The following NIPAL4 variants were observed in gnomAD, a reference collection of about 807,000 sequenced individuals.
The protein encoded by NIPAL4 is magnesium transporter NIPA4.
A neutral mutation model predicts 31.6 loss-of-function variants in NIPAL4; 21 were observed. The observed-to-expected ratio is 0.67, with a 90% CI of 0.47 to 0.96. The LOEUF (loss-of-function observed/expected upper bound fraction) is 0.96. NIPAL4 is among the 40% of genes least tolerant of loss of function. The pLI is 0.00. For synonymous variants in NIPAL4, 175 were observed against 211.1 expected, an observed-to-expected ratio of 0.83 and a Z score of 1.48; for missense variants, 438 against 508.0, an observed-to-expected ratio of 0.86 and a Z score of 1.32.
At chr5:157,472,307 G>A (rs367738343) in intron 5 of NIPAL4, 25 bp from the exon 6 acceptor site, 32 of 1,579,008 alleles carry the variant, frequency 2.0e-5, no homozygotes, top group Non-Finnish European at 2.6e-5. Flanking sequence ...ACAGCCAAGT[G>A]ATCCTTCTCT....
In NIPAL4 at chr5:157,473,734, A is replaced by T. The variant is rs1377638174; in HGVS notation, c.*774A>T. The T allele has an allele frequency of 6.6e-6, 1 of 152,258 alleles. No individual in the cohort carries two copies. 9.4% of individuals were successfully genotyped at this position (152,258 alleles called of 1,614,324 possible). On this transcript the variant is annotated 3_prime_UTR_variant, in exon 6 of 6. Coordinates refer to ENST00000311946, the MANE Select transcript of NIPAL4 (RefSeq NM_001099287.2). ...GCAGTAATCGCAGAACTGGAAACAA[A>T]ACAATAATAGAGCCACAGCCAAACT... is the stretch of plus-strand genomic sequence containing the variant.
chr5:157,471,486 A>G (rs534656464), intron 4 of NIPAL4, among the ~76,000 whole-genome samples, 171 bp from the exon 5 acceptor site: 13 of 152,308 alleles, frequency 8.5e-5, no homozygotes, highest in Non-Finnish European at 1.3e-4. Flanking sequence ...TAGGGAGGTC[A>G]CATGATTTGC....
chr5:157,460,380 C>A, intron 1 of NIPAL4, 23 bp downstream of exon 1: 2 of 1,533,602 alleles, frequency 1.3e-6, no homozygotes, highest in Non-Finnish European at 1.8e-6. Flanking sequence ...GGGCTGGGGA[C>A]CAGGCGGGCT....
chr5:157,469,227 G>A (rs984907988), intron 4 of NIPAL4, among the ~76,000 whole-genome samples: 2 of 151,954 alleles, frequency 1.3e-5, no homozygotes, highest in South Asian at 2.1e-4. Flanking sequence ...TTAGTCACTC[G>A]AAGCCTCATT....
At chr5:157,462,326 A>G (rs1320557559) in intron 1 of NIPAL4, among the ~76,000 whole-genome samples, 1 of 152,070 alleles carries the variant, frequency 6.6e-6, no homozygotes, top group African/African-American at 2.4e-5. Context: ...TTTCATGGAA[A>G]ATCTCCCAAT....
intron 3 of NIPAL4, among the ~76,000 whole-genome samples, chr5:157,468,259 G>A (rs1224828044): frequency 6.6e-6 from 1 of 152,092 alleles, no homozygotes; most frequent in Non-Finnish European, 1.5e-5. Context: ...AGTCCAGACT[G>A]TTGAAAATTC....
At position 157,474,252 on chromosome 5, in the gene NIPAL4, G is replaced by C. The variant is rs1191371403; in HGVS notation, c.*1292G>C. 1 of 152,210 alleles carries C rather than the reference G, an allele frequency of 6.6e-6. No individual in the cohort carries two copies. The highest frequency in any genetic ancestry group is 1.5e-5 in the Non-Finnish European group (1 of 68,048). 9.4% of individuals were successfully genotyped at this position (152,210 alleles called of 1,614,324 possible). ...GAGTACCTTTGGTCCCCTCACATTT[G>C]GCCAGAGGCATACAAAAAACCAGAG... On this transcript the variant is annotated 3_prime_UTR_variant, in exon 6 of 6. Transcript: ENST00000311946.
chr5:157,469,950 G>A (rs1249861251), intron 4 of NIPAL4, among the ~76,000 whole-genome samples: 2 of 152,190 alleles, frequency 1.3e-5, no homozygotes, highest in East Asian at 3.8e-4. Context: ...CTACCCGGGG[G>A]AAGTTGGGAG....
Position 157,472,413 on chromosome 5 carries a change from A to G in NIPAL4, c.668A>G (p.Asn223Ser). 6.2e-7 allele frequency: 1 copy of G among 1,613,660 alleles called. No individual in the cohort carries two copies. The highest frequency in any genetic ancestry group is 8.5e-7 in the Non-Finnish European group (1 of 1,179,834). ...FVIAPRYGQR[N>S]ILIYIIICSV... The stretch of plus-strand genomic sequence containing the variant: ...ATTGCCCCACGTTACGGGCAAAGGA[A>G]TATCCTCATCTACATCATCATCTGC... The change falls in exon 6 of 6, where the codon AAT becomes AGT. Residue 223 changes from asparagine to serine, a missense_variant. Coordinates refer to ENST00000311946, the MANE Select transcript of NIPAL4 (RefSeq NM_001099287.2).
At position 157,473,020 on chromosome 5, in the gene NIPAL4, A is replaced by C. The variant is rs1158747660; in HGVS notation, c.*60A>C. On this transcript the variant is annotated 3_prime_UTR_variant, in exon 6 of 6. Coordinates refer to ENST00000311946, the MANE Select transcript of NIPAL4 (RefSeq NM_001099287.2). Reference sequence around the variant, plus strand: ...TGGTACAGCCTGCCCTCCCAATTTCAAAACCACCTGGTTATTTTCCAGTGC... The same window carrying C: ...TGGTACAGCCTGCCCTCCCAATTTCCAAACCACCTGGTTATTTTCCAGTGC... 2 of 1,392,036 alleles carry C rather than the reference A, an allele frequency of 1.4e-6. No individual in the cohort carries two copies. Among genetic ancestry groups the C allele is most frequent in the Non-Finnish European group, 1.9e-6 (2 of 1,049,422 alleles). 86.2% of individuals were successfully genotyped at this position (1,392,036 alleles called of 1,614,324 possible).
Position 157,471,681 on chromosome 5 carries a change from G to A in NIPAL4, c.450G>A (p.Leu150=). ...GTGCCATCCTCTCCTCATATTTCCT[G>A]AGGGAGAGTCTGAACCTGCTGGGGA... The part of the protein sequence containing the change: ...LISAILSSYF[L]RESLNLLGKL... The change falls in exon 5 of 6, where the codon CTG becomes CTA. Residue 150 remains leucine, a synonymous_variant. Transcript: ENST00000311946. 6.2e-7 allele frequency: 1 copy of A among 1,608,838 alleles called. No homozygotes were observed.
rs565333975 is a variant in NIPAL4 at position 157,473,289 on chromosome 5, C to A, written c.*329C>A. On this transcript the variant is annotated 3_prime_UTR_variant, in exon 6 of 6. Transcript: ENST00000311946. Reference sequence around the variant, plus strand: ...GGAGTCTGACCCACTGAATGTAGCACAGTCCAAGGACTTCTCTAAGATATT... The same window carrying A: ...GGAGTCTGACCCACTGAATGTAGCAAAGTCCAAGGACTTCTCTAAGATATT... 4.1e-4 allele frequency: 103 copies of A among 248,970 alleles called. No homozygotes were observed. Among genetic ancestry groups the A allele is most frequent in the African/African-American group, 2.2e-3 (98 of 45,036 alleles). 15.4% of individuals were successfully genotyped at this position (248,970 alleles called of 1,614,324 possible).
At position 157,471,812 on chromosome 5, in the gene NIPAL4, A is replaced by C. The variant is rs770941415; in HGVS notation, c.581A>C (p.Asp194Ala). 6.3e-7 allele frequency: 1 copy of C among 1,584,498 alleles called. No homozygotes were observed. The highest frequency in any genetic ancestry group is 1.2e-5 in the South Asian group (1 of 86,504). ...ATGGAGATGGCTTCCAAGATGAAAG[A>C]CACAGGTAGACTCCAAGCCCCTGAA... is the stretch of plus-strand genomic sequence containing the variant. ...TIMEMASKMK[D>A]TGFIVFAVLL... The change falls in exon 5 of 6, where the codon GAC becomes GCC. Residue 194 changes from aspartate to alanine, a missense_variant. Coordinates refer to ENST00000311946, the MANE Select transcript of NIPAL4 (RefSeq NM_001099287.2).
intron 4 of NIPAL4, among the ~76,000 whole-genome samples, chr5:157,469,454 C>T (rs1035759642): frequency 6.6e-6 from 1 of 152,156 alleles, no homozygotes; most frequent in Non-Finnish European, 1.5e-5. Context: ...CTGAGCCCAA[C>T]AGAGGTTAAG....
intron 1 of NIPAL4, among the ~76,000 whole-genome samples, chr5:157,460,850 T>TC (rs1482502030): frequency 6.6e-6 from 1 of 152,136 alleles, no homozygotes; most frequent in Admixed American, 6.5e-5. Context: ...ATAAAGCAGG[T>TC]AGTGGACTAG....
In NIPAL4 at chr5:157,472,405, G is replaced by A; in HGVS notation, c.660G>A (p.Gly220=). ...ILIFVIAPRY[G]QRNILIYIII... is the part of the protein sequence containing the mutation. ...TCTTTGTCATTGCCCCACGTTACGG[G>A]CAAAGGAATATCCTCATCTACATCA... Residue 220 remains glycine (G), a synonymous_variant, in exon 6 of 6, where the codon GGG becomes GGA. Transcript: ENST00000311946. The A allele has an allele frequency of 6.2e-7, 1 of 1,613,474 alleles. No individual in the cohort carries two copies. Among genetic ancestry groups the A allele is most frequent in the Non-Finnish European group, 8.5e-7 (1 of 1,179,746 alleles).
At chr5:157,466,751 C>A (rs984157880) in intron 2 of NIPAL4, among the ~76,000 whole-genome samples, 6 of 152,104 alleles carry the variant, frequency 3.9e-5, no homozygotes, top group African/African-American at 1.4e-4. Context: ...CATTTAAAAC[C>A]AAGAGCTCCA....
At position 157,472,791 on chromosome 5, in the gene NIPAL4, A is replaced by G. The variant is rs370339078; in HGVS notation, c.1046A>G (p.Asp349Gly). Reference protein sequence around the residue: ...VFMLHAFKDLDISCASLPHMH... With the variant: ...VFMLHAFKDLGISCASLPHMH... ...ATGCTGCATGCTTTCAAAGACCTGG[A>G]CATCAGCTGCGCCAGCTTGCCCCAC... The change falls in exon 6 of 6, where the codon GAC (aspartate) becomes GGC (glycine). Residue 349 changes from aspartate (D) to glycine (G), a missense_variant. Physicochemically the swap from Asp to Gly is moderately conservative, Grantham distance 94. Coordinates refer to ENST00000311946, the MANE Select transcript of NIPAL4 (RefSeq NM_001099287.2). 1 of 1,607,898 alleles carries G rather than the reference A, an allele frequency of 6.2e-7. No individual in the cohort carries two copies. The highest frequency in any genetic ancestry group is 8.5e-7 in the Non-Finnish European group (1 of 1,174,812).
At chr5:157,460,899 A>G (rs1754084680) in intron 1 of NIPAL4, among the ~76,000 whole-genome samples, 1 of 152,032 alleles carries the variant, frequency 6.6e-6, no homozygotes, top group Non-Finnish European at 1.5e-5. Context: ...CCTTAAAACA[A>G]CTCTAGAAGG....
Sources: gnomAD v4.1 joint callset for allele counts (sites outside exome capture counted in the v4.1 genomes callset) on GRCh38, gnomAD v4.1.1 for gene constraint, MANE v1.5 for transcripts, NCBI Gene and HGNC (gene_info 2026-07-23, HGNC 2026-07-21) for gene names.